Variants in FAT3 observed in about 807,000 individuals in gnomAD.
FAT3 encodes FAT atypical cadherin 3.
A neutral mutation model predicts 310.2 loss-of-function variants in FAT3; 95 were observed. The ratio of observed to expected loss-of-function variants is 0.31; its 90% CI spans 0.26 to 0.36. FAT3 has a LOEUF of 0.36. FAT3 is among the 10% of genes least tolerant of loss of function. The probability of loss-of-function intolerance (pLI) is 1.00; values close to 1 mark genes in which losing one functional copy is unlikely to be tolerated. For missense variants in FAT3, 5,408 were observed against 5,715.6 expected (o/e 0.95, Z 1.74); for synonymous variants, 2,314 against 2,192.9 (o/e 1.06, Z -1.54).
In FAT3 at chr11:92,805,215, A is replaced by C; in HGVS notation, c.8959A>C (p.Lys2987Gln). 1.2e-6 allele frequency: 2 copies of C among 1,613,806 alleles called. No individual in the cohort carries two copies. The highest frequency in any genetic ancestry group is 8.5e-7 in the Non-Finnish European group (1 of 1,179,792). Residue 2987 changes from lysine (K) to glutamine (Q), a missense_variant, in exon 11 of 28, where the codon AAG becomes CAG. Around this residue, in one of 5 missense-constraint regions of FAT3, gnomAD observed 4,588 missense variants for 4,809.8 expected, o/e 0.95. Transcript: ENST00000525166. ...LVQSEWKVYV[K>Q]RPLDREEQDI... ...GCAAAGTGAGTGGAAGGTCTATGTG[A>C]AGAGGCCTCTAGACAGAGAAGAACA...
intron 1 of FAT3, among the ~76,000 whole-genome samples, chr11:92,298,913 G>A (rs1946921131): frequency 6.6e-6 from 1 of 152,044 alleles, no homozygotes; most frequent in South Asian, 2.1e-4. Context: ...CACTGCCTCT[G>A]CCTCATTGCT....
At chr11:92,722,469 A>G (rs774590810) in intron 4 of FAT3, among the ~76,000 whole-genome samples, 4 of 152,168 alleles carry the variant, frequency 2.6e-5, no homozygotes, top group Non-Finnish European at 4.4e-5. Context: ...GGCATTGAGT[A>G]TCTGCAGCTT....
intron 7 of FAT3, 138 bp downstream of exon 7, chr11:92,774,318 G>C: frequency 8.2e-6 from 8 of 975,286 alleles, no homozygotes; most frequent in Non-Finnish European, 1.2e-5. Context: ...TCATTTTCAA[G>C]AACAAGTGAG....
At chr11:92,327,139 CTTTTT>C (rs1464578761) in intron 1 of FAT3, among the ~76,000 whole-genome samples, 1 of 151,956 alleles carries the variant, frequency 6.6e-6, no homozygotes, top group Non-Finnish European at 1.5e-5. Flanking sequence ...CTGAATTTTT[CTTTTT>C]TGTCTGTGTT....
chr11:92,354,379 G>A lies in FAT3; in HGVS notation c.2267G>A (p.Gly756Asp). The A allele has an allele frequency of 6.2e-7, 1 of 1,613,880 alleles. No homozygotes were observed. The highest frequency in any genetic ancestry group is 8.5e-7 in the Non-Finnish European group (1 of 1,179,872). ...ATTAAAGCCTATGATGCCGACTCTG[G>A]CTTCAATGGAAAAGTGCTATTTACA... ...LKIKAYDADS[G>D]FNGKVLFTIS... The change falls in exon 2 of 28, where the codon GGC becomes GAC. Residue 756 changes from glycine (G) to aspartate (D), a missense_variant. By Grantham distance (94) the Gly-to-Asp change is moderately conservative (BLOSUM62 -1). Around this residue, in one of 5 missense-constraint regions of FAT3, gnomAD observed 4,588 missense variants for 4,809.8 expected, o/e 0.95. Coordinates refer to ENST00000525166, the MANE Select transcript of FAT3 (RefSeq NM_001367949.2).
intron 2 of FAT3, among the ~76,000 whole-genome samples, chr11:92,491,911 T>G (rs529192506): frequency 7.2e-5 from 11 of 152,194 alleles, no homozygotes; most frequent in African/African-American, 2.2e-4. Flanking sequence ...AGGAAGGTGA[T>G]GTACCACCCT....
chr11:92,362,020 A>G, intron 2 of FAT3, among the ~76,000 whole-genome samples: 1 of 152,216 alleles, frequency 6.6e-6, no homozygotes. Flanking sequence ...GGTCTCATTC[A>G]GTCATCCCAG....
chr11:92,494,276 G>T (rs1952690902), intron 2 of FAT3, among the ~76,000 whole-genome samples: 1 of 151,950 alleles, frequency 6.6e-6, no homozygotes, highest in Admixed American at 6.6e-5. Context: ...TTCCAGATGA[G>T]ATTTGGTTGG....
At chr11:92,887,147 GGTTCTGCTTCCT>G in intron 25 of FAT3, 34 bp downstream of exon 25, 2 of 1,557,164 alleles carry the variant, frequency 1.3e-6, no homozygotes, top group Non-Finnish European at 1.7e-6. Context: ...GGAGCGGGTG[GGTTCTGCTTCCT>G]GTTCTGGAAG....
chr11:92,855,011 C>T (rs1166431530), intron 19 of FAT3, among the ~76,000 whole-genome samples: 1 of 152,216 alleles, frequency 6.6e-6, no homozygotes, highest in African/African-American at 2.4e-5. Flanking sequence ...GAAGTTACAT[C>T]TATTTGATGG....
intron 23 of FAT3, 148 bp downstream of exon 23, chr11:92,881,032 G>T (rs1949661309): frequency 8.5e-6 from 7 of 824,730 alleles, no homozygotes. Flanking sequence ...AGTGCTTACA[G>T]GTGACTAAAA....
Position 92,619,545 on chromosome 11 carries a change from A to G in FAT3, c.3608-77839A>G, listed in dbSNP as rs1043601624. Among the ~76,000 whole-genome samples, 9 of 152,192 alleles carry G rather than the reference A, an allele frequency of 5.9e-5. No individual in the cohort carries two copies. The South Asian group carries it at 1.9e-3, about 32-fold the overall frequency. Reference sequence around the variant, plus strand: ...TTTTAATTATTAATTCATTCTCTGTACTTCCAATATGCCTATTCAGATTTA... The same window carrying G: ...TTTTAATTATTAATTCATTCTCTGTGCTTCCAATATGCCTATTCAGATTTA... On this transcript the variant is annotated intron_variant, in intron 3 of 27. Coordinates refer to ENST00000525166, the MANE Select transcript of FAT3 (RefSeq NM_001367949.2).
chr11:92,269,834 C>G (rs770213539), intron 1 of FAT3, among the ~76,000 whole-genome samples: 4 of 152,142 alleles, frequency 2.6e-5, no homozygotes, highest in Non-Finnish European at 4.4e-5. Context: ...CTTCCCCTTC[C>G]CATTCAGCAG....
chr11:92,423,858 C>CA (rs1950577829), intron 2 of FAT3, among the ~76,000 whole-genome samples: 1 of 152,122 alleles, frequency 6.6e-6, no homozygotes, highest in Non-Finnish European at 1.5e-5. Context: ...AGATAAGGCC[C>CA]ACCTGCATTT....
chr11:92,548,674 C>G (rs542104675), intron 3 of FAT3, among the ~76,000 whole-genome samples: 6 of 152,214 alleles, frequency 3.9e-5, no homozygotes, highest in African/African-American at 1.4e-4. Flanking sequence ...TCCCTAGAAA[C>G]CTATAGCAGT....
At chr11:92,878,386 T>C (rs1949583457) in intron 22 of FAT3, among the ~76,000 whole-genome samples, 1 of 151,942 alleles carries the variant, frequency 6.6e-6, no homozygotes, top group Non-Finnish European at 1.5e-5. Context: ...AATAAATTGA[T>C]AACATCCACA....
intron 13 of FAT3, among the ~76,000 whole-genome samples, chr11:92,820,363 T>C (rs1430184675): frequency 1.3e-5 from 2 of 152,106 alleles, no homozygotes; most frequent in African/African-American, 2.4e-5. Context: ...ACTAATCCTA[T>C]CACATTAGGA....
intron 4 of FAT3, among the ~76,000 whole-genome samples, chr11:92,721,672 G>A (rs972015303): frequency 4.6e-5 from 7 of 152,072 alleles, no homozygotes; most frequent in Admixed American, 1.3e-4. Flanking sequence ...CATGCCAATT[G>A]TATTAAGTCC....
rs1445192376 is a variant in FAT3 at position 92,892,939 on chromosome 11, A to T, written c.*1826A>T. ...GACTTTCCTTTTTTGCTTCAATCAGATTACGGCCGCCTGTGCAGTGGCCAT... is the reference window on the plus strand; with the variant it reads ...GACTTTCCTTTTTTGCTTCAATCAGTTTACGGCCGCCTGTGCAGTGGCCAT... On this transcript the variant is annotated 3_prime_UTR_variant, in exon 28 of 28. Coordinates refer to ENST00000525166, the MANE Select transcript of FAT3 (RefSeq NM_001367949.2). 6.6e-6 allele frequency: 1 copy of T among 152,084 alleles called. No homozygotes were observed. The highest frequency in any genetic ancestry group is 2.4e-5 in the African/African-American group (1 of 41,378). 9.4% of individuals were successfully genotyped at this position (152,084 alleles called of 1,614,324 possible). A position where few individuals can be genotyped will look rare whatever the true frequency, so the allele number is the denominator to read the frequency against.
Sources: gnomAD v4.1 joint callset for allele counts (sites outside exome capture counted in the v4.1 genomes callset) on GRCh38, gnomAD v4.1.1 for gene constraint, gnomAD v4.1.1 regional missense constraint, MANE v1.5 for transcripts, NCBI Gene and HGNC (gene_info 2026-07-23, HGNC 2026-07-21) for gene names.